The following VIPR1 variants were observed in gnomAD, a reference collection of about 807,000 sequenced individuals.
VIPR1 encodes the protein vasoactive intestinal polypeptide receptor 1.
A neutral mutation model predicts 58.8 loss-of-function variants in VIPR1; 59 were observed. That is an observed-to-expected ratio of 1.00 (90% CI 0.81 to 1.25). The LOEUF (loss-of-function observed/expected upper bound fraction) is 1.25, where lower values mean the gene tolerates loss of function less well. Ranked by LOEUF, VIPR1 falls within the 50% of genes most tolerant of loss-of-function variation. The pLI is 0.00. For synonymous variants in VIPR1, 251 were observed against 242.1 expected (o/e 1.04, Z -0.34); for missense variants, 626 against 602.7 (o/e 1.04, Z -0.40).
chr3:42,503,568 G>A (rs1382200388), intron 1 of VIPR1, among the ~76,000 whole-genome samples: 1 of 152,190 alleles, frequency 6.6e-6, no homozygotes, highest in African/African-American at 2.4e-5. Context: ...TGCCCCATGT[G>A]TGGGTGTGAT....
chr3:42,497,642 A>G (rs1243115715), intron 1 of VIPR1, among the ~76,000 whole-genome samples: 1 of 152,116 alleles, frequency 6.6e-6, no homozygotes, highest in East Asian at 1.9e-4. Context: ...CATAATTCCC[A>G]TGTGTTGTGG....
chr3:42,498,790 C>A (rs1386909991), upstream of VIPR1, among the ~76,000 whole-genome samples: 1 of 152,162 alleles, frequency 6.6e-6, no homozygotes, highest in African/African-American at 2.4e-5. Flanking sequence ...ACAGTCACGT[C>A]CCCAATCCCC....
rs958117339 is a variant in VIPR1, at chr3:42,519,191, T to G, written c.185-32T>G. On this transcript the variant is annotated intron_variant, in intron 2 of 12. Coordinates refer to ENST00000325123, the MANE Select transcript of VIPR1 (RefSeq NM_004624.4). ...AGGGCTGGAGGCACCTGCACTGTGC[T>G]CACCCATGTGTCTTCTGCCTTACCC... 6 of 1,572,236 alleles carry G rather than the reference T, an allele frequency of 3.8e-6. No individual in the cohort carries two copies. In the African/African-American group the frequency reaches 8.1e-5, roughly 21 times the overall value.
At position 42,513,760 on chromosome 3, in the gene VIPR1, G is replaced by A. The variant is rs369859970; in HGVS notation, c.90G>A (p.Ala30=). 53 of 1,551,272 alleles carry A rather than the reference G, an allele frequency of 3.4e-5. No homozygotes were observed. In the East Asian group the frequency reaches 3.7e-4, roughly 11 times the overall value. Residue 30 remains alanine (A), a synonymous_variant, in exon 2 of 13, where the codon GCG becomes GCA. Coordinates refer to ENST00000325123, the MANE Select transcript of VIPR1 (RefSeq NM_004624.4). The part of the protein sequence containing the change: ...AWALGPAGGQ[A]ARLQEECDYV... The stretch of plus-strand genomic sequence containing the variant: ...GTCTTTGTTCTCAGGGCGGCCAGGC[G>A]GCCAGGCTGCAGGAGGAGTGTGACT...
chr3:42,512,599 A>T (rs925534902), intron 1 of VIPR1, among the ~76,000 whole-genome samples: 2 of 152,118 alleles, frequency 1.3e-5, no homozygotes, highest in African/African-American at 4.8e-5. Flanking sequence ...AGGCCCACGT[A>T]GCCTACAGAG....
At position 42,494,399 on chromosome 3, in the gene VIPR1, A is replaced by G. The variant is rs141290430; in HGVS notation, c.-245+4721A>G. ...CACTGCTTTCAAACAGTTTGATTACATAGGAGTTATCTGTGCCTTAAAGGT... is the reference window on the plus strand; with the variant it reads ...CACTGCTTTCAAACAGTTTGATTACGTAGGAGTTATCTGTGCCTTAAAGGT... On this transcript the variant is annotated intron_variant, in intron 1 of 13. Transcript: ENST00000433647. Among the ~76,000 whole-genome samples the G allele has an allele frequency of 8.4e-3, 1,280 of 152,326 alleles. 11 individuals carry two copies. Among genetic ancestry groups the G allele is most frequent in the Middle Eastern group, 0.037 (11 of 294 alleles).
Position 42,535,032 on chromosome 3 carries a change from G to A in VIPR1, c.1068G>A (p.Met356Ile). The change falls in exon 11 of 13, where the codon ATG (methionine) becomes ATA (isoleucine). Residue 356 changes from methionine (M) to isoleucine (I), a missense_variant. Met to Ile is a conservative substitution (Grantham distance 10, BLOSUM62 1). Coordinates refer to ENST00000325123, the MANE Select transcript of VIPR1 (RefSeq NM_004624.4). ...LIPLFGVHYI[M>I]FAFFPDNFKP... is the part of the protein sequence containing the mutation. ...CCCTGTTTGGAGTACACTACATCAT[G>A]TTCGCCTTCTTTCCGGACAATTTTA... 6.2e-7 allele frequency: 1 copy of A among 1,614,210 alleles called. No homozygotes were observed. The highest frequency in any genetic ancestry group is 8.5e-7 in the Non-Finnish European group (1 of 1,180,038).
chr3:42,502,845 G>A, intron 1 of VIPR1, 32 bp downstream of exon 1: 1 of 1,245,432 alleles, frequency 8.0e-7, no homozygotes, highest in Non-Finnish European at 1.0e-6. Flanking sequence ...CAGAGTCCCG[G>A]CAGCCTGGGG....
rs1701904986 is a variant in VIPR1, at chr3:42,537,147, C to T, written c.*866C>T. The T allele has an allele frequency of 6.6e-6, 1 of 152,286 alleles. No homozygotes were observed. The highest frequency in any genetic ancestry group is 1.5e-5 in the Non-Finnish European group (1 of 68,072). The allele number at this position is 152,286 out of a possible 1,614,324, so 9.4% of individuals were successfully genotyped here. A position where few individuals can be genotyped will look rare whatever the true frequency, so the allele number is the denominator to read the frequency against. On this transcript the variant is annotated 3_prime_UTR_variant, in exon 13 of 13. Transcript: ENST00000325123. ...AAGAGCTGCCCTCCTTGTCCACCCA[C>T]CTATGTGCCAACTGTTGTAACTAGG...
chr3:42,514,824 G>A (rs1286335180), intron 2 of VIPR1, among the ~76,000 whole-genome samples: 2 of 152,196 alleles, frequency 1.3e-5, no homozygotes, highest in African/African-American at 2.4e-5. Context: ...TATCAGGACA[G>A]ATGACAGCAC....
At position 42,513,840 on chromosome 3, in the gene VIPR1, A is replaced by G. The variant is rs773429186; in HGVS notation, c.170A>G (p.Glu57Gly). The G allele has an allele frequency of 4.5e-6, 7 of 1,551,508 alleles. No homozygotes were observed. The East Asian group carries it at 1.7e-4, about 38-fold the overall frequency. Reference protein sequence around the residue: ...HKQCLEEAQLENETIGCSKMW... With the variant: ...HKQCLEEAQLGNETIGCSKMW... ...CAGTGCCTGGAGGAGGCCCAGCTGG[A>G]GAATGAGACAATAGGTGAGGCCCCC... is the stretch of plus-strand genomic sequence containing the variant. Residue 57 changes from glutamate to glycine, a missense_variant, in exon 2 of 13, where the codon GAG (glutamate) becomes GGG (glycine). Transcript: ENST00000325123.
At chr3:42,519,589 T>C in intron 3 of VIPR1, 1 of 371,454 alleles carries the variant, frequency 2.7e-6, no homozygotes, top group Non-Finnish European at 4.8e-6. Flanking sequence ...TGACAGGTAC[T>C]TGATTAAATT....
intron 4 of VIPR1, 57 bp from the exon 5 acceptor site, chr3:42,527,336 C>A: frequency 6.5e-7 from 1 of 1,532,048 alleles, no homozygotes; most frequent in Non-Finnish European, 9.0e-7. Context: ...CTGCCAATAC[C>A]CCCTAGATGA....
At chr3:42,490,215 T>C (rs1699641562) in intron 1 of VIPR1, among the ~76,000 whole-genome samples, 1 of 152,038 alleles carries the variant, frequency 6.6e-6, no homozygotes, top group Non-Finnish European at 1.5e-5. Flanking sequence ...GGTTAAATAA[T>C]CTGAAAGTTA....
At chr3:42,535,886 C>T (rs1252975909) in intron 12 of VIPR1, among the ~76,000 whole-genome samples, 1 of 152,184 alleles carries the variant, frequency 6.6e-6, no homozygotes, top group Non-Finnish European at 1.5e-5. Flanking sequence ...TGCCTCTTAC[C>T]TCCTGCCATT....
chr3:42,513,230 G>C (rs1700447036), intron 1 of VIPR1: 3 of 153,058 alleles, frequency 2.0e-5, no homozygotes, highest in Non-Finnish European at 4.4e-5. Flanking sequence ...CCAGGGGACT[G>C]AGCACAGAAT....
At chr3:42,512,363 T>C (rs1700400902) in intron 1 of VIPR1, 1 of 152,210 alleles carries the variant, frequency 6.6e-6, no homozygotes, top group Non-Finnish European at 1.5e-5. Flanking sequence ...CACTGAGTTG[T>C]TCAGCTTCAG....
At position 42,536,347 on chromosome 3, in the gene VIPR1, G is replaced by A. The variant is rs1229222494; in HGVS notation, c.*66G>A. On this transcript the variant is annotated 3_prime_UTR_variant, in exon 13 of 13. Transcript: ENST00000325123. Reference sequence around the variant, plus strand: ...CTTCCCACTCACCCCGGCAGACGCCGGGGACAGAGGCCTGCCCGGGCGCGG... The same window carrying A: ...CTTCCCACTCACCCCGGCAGACGCCAGGGACAGAGGCCTGCCCGGGCGCGG... 3.1e-5 allele frequency: 45 copies of A among 1,436,950 alleles called. No homozygotes were observed. Among genetic ancestry groups the A allele is most frequent in the Non-Finnish European group, 3.9e-5 (43 of 1,100,912 alleles). 89.0% of individuals were successfully genotyped at this position (1,436,950 alleles called of 1,614,324 possible). A position where few individuals can be genotyped will look rare whatever the true frequency, so the allele number is the denominator to read the frequency against.
rs1037869337 is a variant in VIPR1, at chr3:42,527,446, C to T, written c.453C>T (p.Gly151=). 8.1e-6 allele frequency: 13 copies of T among 1,614,018 alleles called. No homozygotes were observed. The highest frequency in any genetic ancestry group is 1.1e-5 in the Non-Finnish European group (13 of 1,179,968). Residue 151 remains glycine, a synonymous_variant, in exon 5 of 13, where the codon GGC becomes GGT. Transcript: ENST00000325123. ...SVKTGYTIGY[G]LSLATLLVAT... ...AGACCGGCTACACCATTGGCTACGG[C>T]CTGTCCCTCGCCACCCTTCTGGTCG... is the stretch of plus-strand genomic sequence containing the variant.
Sources: allele counts gnomAD v4.1 joint callset (sites outside exome capture counted in the v4.1 genomes callset), GRCh38; gene constraint gnomAD v4.1.1; transcripts MANE v1.5; gene names NCBI Gene and HGNC (gene_info 2026-07-23, HGNC 2026-07-21).